Variants in GPN2 observed in about 807,000 individuals in gnomAD.
GPN2 encodes ATP-binding domain 1 family member B.
GPN2 carries 27 observed loss-of-function variants against 30.1 expected under a neutral mutation model. That is an observed-to-expected ratio of 0.90 (90% CI 0.66 to 1.24). The LOEUF is 1.24. Ranked by LOEUF, GPN2 falls within the 50% of genes most tolerant of loss-of-function variation. The pLI, the probability that GPN2 is intolerant of heterozygous loss-of-function variation, is 0.00. For synonymous variants in GPN2, 212 were observed against 174.4 expected, an observed-to-expected ratio of 1.22 and a Z score of -1.70; for missense variants, 406 against 405.4, an observed-to-expected ratio of 1.00 and a Z score of -0.01.
rs1205480697 is a variant in GPN2, at chr1:26,890,269, G to A, written c.-173C>T. The A allele has an allele frequency of 8.7e-6, 5 of 572,238 alleles. No homozygotes were observed. The highest frequency in any genetic ancestry group is 2.7e-5 in the South Asian group (1 of 36,838). 35.4% of individuals were successfully genotyped at this position (572,238 alleles called of 1,614,324 possible). ...GTCGCGCAAAAGGAGATAACAGGCC[G>A]ATACTAACTAGACTAACTCGACTTC... On this transcript the variant is annotated 5_prime_UTR_variant, in exon 1 of 5. Transcript: ENST00000374135.
At chr1:26,880,795 C>T (rs2081860417) in intron 4 of GPN2, among the ~76,000 whole-genome samples, 1 of 152,194 alleles carries the variant, frequency 6.6e-6, no homozygotes, top group Non-Finnish European at 1.5e-5. Flanking sequence ...ACCCTTGAAA[C>T]CTGTCTCAAC....
intron 1 of GPN2, 140 bp downstream of exon 1, chr1:26,889,546 A>T: frequency 8.0e-6 from 6 of 748,920 alleles, no homozygotes; most frequent in Non-Finnish European, 1.3e-5. Flanking sequence ...TCAGTAGCAG[A>T]GCCAGATTCT....
intron 4 of GPN2, among the ~76,000 whole-genome samples, chr1:26,882,639 T>G (rs1379232753): frequency 6.6e-6 from 1 of 152,226 alleles, no homozygotes; most frequent in Admixed American, 6.5e-5. Context: ...GCTGCATAGA[T>G]GCTGAATCTG....
rs577072565 is a variant in GPN2 at position 26,885,871 on chromosome 1, G to A, written c.729+102C>T. On this transcript the variant is annotated intron_variant, in intron 3 of 4. Transcript: ENST00000374135. ...TAGGATTAGAGGCTTGAGCAACCGC[G>A]CCCAGCCGGCAAAGACCATTCTTTA... The A allele has an allele frequency of 1.6e-4, 151 of 922,574 alleles. 1 individual carries two copies. Among genetic ancestry groups the A allele is most frequent in the African/African-American group, 1.4e-3 (86 of 60,630 alleles). 57.1% of individuals were successfully genotyped at this position (922,574 alleles called of 1,614,324 possible).
At chr1:26,887,662 C>T (rs928424278) in intron 2 of GPN2, among the ~76,000 whole-genome samples, 6 of 150,626 alleles carry the variant, frequency 4.0e-5, no homozygotes, top group East Asian at 2.0e-4. Flanking sequence ...CCTGGGTTCA[C>T]GCCATTCTCC....
chr1:26,885,746 A>AT (rs1392407342), intron 3 of GPN2, among the ~76,000 whole-genome samples: 1 of 151,714 alleles, frequency 6.6e-6, no homozygotes, highest in Middle Eastern at 3.2e-3. Flanking sequence ...CGCCCAGCTA[A>AT]TTTTTTGTAT....
chr1:26,886,563 G>A, intron 2 of GPN2: 1 of 424,754 alleles, frequency 2.4e-6, no homozygotes, highest in South Asian at 1.7e-5. Flanking sequence ...GGTGGCTCAA[G>A]CCTGTAATCC....
chr1:26,877,557 C>G lies in GPN2; in HGVS notation c.*2120G>C, dbSNP rs547287575. 6.6e-6 allele frequency: 1 copy of G among 152,300 alleles called. No individual in the cohort carries two copies. Among genetic ancestry groups the G allele is most frequent in the Admixed American group, 6.5e-5 (1 of 15,296 alleles). 9.4% of individuals were successfully genotyped at this position (152,300 alleles called of 1,614,324 possible). On this transcript the variant is annotated 3_prime_UTR_variant, in exon 5 of 5. Transcript: ENST00000374135. ...ATAAATATACCAAAGGAGGGATACT[C>G]GCAATTTAGTCAGCAAAATGGGTTA...
chr1:26,884,130 C>T (rs773620934), intron 4 of GPN2, 30 bp downstream of exon 4: 2 of 1,600,326 alleles, frequency 1.2e-6, no homozygotes, highest in Non-Finnish European at 1.7e-6. Flanking sequence ...CTCACCCTCT[C>T]TGCTATGGCC....
At position 26,889,054 on chromosome 1, in the gene GPN2, G is replaced by T; in HGVS notation, c.483C>A (p.Thr161=). ...DPAKFISVLC[T]SLATMLHVEL... The stretch of plus-strand genomic sequence containing the variant: ...CCACGTGCAGCATGGTGGCCAGGGA[G>T]GTACACAGTACTGAAATGAACTTGG... Residue 161 remains threonine (T), a synonymous_variant, in exon 2 of 5, where the codon ACC becomes ACA. Transcript: ENST00000374135. The T allele has an allele frequency of 6.2e-7, 1 of 1,613,874 alleles. No homozygotes were observed. The highest frequency in any genetic ancestry group is 8.5e-7 in the Non-Finnish European group (1 of 1,179,702).
At chr1:26,889,598 C>G (rs2081909294) in intron 1 of GPN2, 88 bp downstream of exon 1, 2 of 1,308,980 alleles carry the variant, frequency 1.5e-6, no homozygotes, top group Non-Finnish European at 2.1e-6. Flanking sequence ...CAGCCCCTAC[C>G]TCCCTGTGTG....
At chr1:26,889,185 TGAGA>T in intron 1 of GPN2, 60 bp from the exon 2 acceptor site, 4 of 1,360,342 alleles carry the variant, frequency 2.9e-6, no homozygotes, top group Non-Finnish European at 3.1e-6. Context: ...CATTCCCTCA[TGAGA>T]ATGAGGGCTT....
intron 2 of GPN2, chr1:26,886,553 G>T: frequency 2.3e-6 from 1 of 431,812 alleles, no homozygotes; most frequent in Non-Finnish European, 4.7e-6. Context: ...GGCCAGGTGC[G>T]GTGGCTCAAG....
chr1:26,884,939 G>A (rs1020744376), intron 3 of GPN2, among the ~76,000 whole-genome samples: 2 of 151,982 alleles, frequency 1.3e-5, no homozygotes, highest in Non-Finnish European at 2.9e-5. Flanking sequence ...CCAAGATAAC[G>A]CACTGCACTC....
Position 26,878,445 on chromosome 1 carries a change from C to T in GPN2, c.*1232G>A, listed in dbSNP as rs2081848190. 6.6e-6 allele frequency: 1 copy of T among 151,930 alleles called. No individual in the cohort carries two copies. The highest frequency in any genetic ancestry group is 2.1e-4 in the South Asian group (1 of 4,812). 9.4% of individuals were successfully genotyped at this position (151,930 alleles called of 1,614,324 possible). A position where few individuals can be genotyped will look rare whatever the true frequency, so the allele number is the denominator to read the frequency against. ...TATAGGCGTGCAACACCATGCCCAG[C>T]TAATTTTTATGTTTTTAGTAGAGAG... On this transcript the variant is annotated 3_prime_UTR_variant, in exon 5 of 5. Transcript: ENST00000374135.
intron 2 of GPN2, 106 bp from the exon 3 acceptor site, chr1:26,886,239 T>C: frequency 1.4e-6 from 1 of 713,084 alleles, no homozygotes. Context: ...ACTCAAATAT[T>C]TCTTGACACA....
chr1:26,887,812 C>T (rs976725795), intron 2 of GPN2, among the ~76,000 whole-genome samples: 21 of 151,772 alleles, frequency 1.4e-4, no homozygotes, highest in Non-Finnish European at 2.6e-4. Flanking sequence ...CCACCTGCCT[C>T]GGCCTCCCAA....
Position 26,890,251 on chromosome 1 carries a change from A to G in GPN2, c.-155T>C, listed in dbSNP as rs1236500540. The G allele has an allele frequency of 1.5e-6, 1 of 652,014 alleles. No homozygotes were observed. The highest frequency in any genetic ancestry group is 3.0e-5 in the East Asian group (1 of 33,844). 40.4% of individuals were successfully genotyped at this position (652,014 alleles called of 1,614,324 possible). On this transcript the variant is annotated 5_prime_UTR_variant, in exon 1 of 5. Coordinates refer to ENST00000374135, the MANE Select transcript of GPN2 (RefSeq NM_018066.4). ...CGGAACAGCTGAGACCGTGTCGCGC[A>G]AAAGGAGATAACAGGCCGATACTAA...
intron 3 of GPN2, 48 bp downstream of exon 3, chr1:26,885,925 T>G: frequency 7.0e-7 from 1 of 1,434,454 alleles, no homozygotes; most frequent in Non-Finnish European, 9.8e-7. Context: ...TGCTTTTGGC[T>G]TGGTGAATCC....
Sources: allele counts gnomAD v4.1 joint callset (sites outside exome capture counted in the v4.1 genomes callset), GRCh38; gene constraint gnomAD v4.1.1; transcripts MANE v1.5; gene names NCBI Gene and HGNC (gene_info 2026-07-23, HGNC 2026-07-21).